Variants in KCNMA1 observed in about 807,000 individuals in gnomAD.
The protein encoded by KCNMA1 is potassium calcium-activated channel subfamily M alpha 1, also known as Calcium-activated potassium channel subunit alpha-1.
A neutral mutation model predicts 140.0 loss-of-function variants in KCNMA1; 29 were observed. The observed-to-expected ratio is 0.21, with a 90% CI of 0.15 to 0.28. KCNMA1 has a LOEUF of 0.28. Among genes scored for constraint, KCNMA1 ranks in the 10% least tolerant of loss-of-function variants. The pLI is 1.00. For missense variants in KCNMA1, 880 were observed against 1,602.2 expected, an observed-to-expected ratio of 0.55 and a Z score of 7.70; for synonymous variants, 612 against 611.9, an observed-to-expected ratio of 1.00 and a Z score of 0.00.
chr10:77,130,107 C>T (rs1253936003), intron 5 of KCNMA1, among the ~76,000 whole-genome samples: 1 of 152,128 alleles, frequency 6.6e-6, no homozygotes, highest in Non-Finnish European at 1.5e-5. Flanking sequence ...CAAAAACTGA[C>T]TCTCAAAGCA....
chr10:76,874,845 G>C (rs538183644), downstream of KCNMA1: 33 of 152,282 alleles, frequency 2.2e-4, no homozygotes, highest in African/African-American at 7.9e-4. Context: ...TTTTCTCAAG[G>C]AGAAAGGTTA....
At chr10:76,950,058 A>T (rs1591687113) in intron 21 of KCNMA1, among the ~76,000 whole-genome samples, 3 of 152,334 alleles carry the variant, frequency 2.0e-5, no homozygotes, top group Admixed American at 2.0e-4. Flanking sequence ...ATAAAGTTCA[A>T]ATTCCCATAA....
In KCNMA1 at chr10:77,169,570, T is replaced by A. The variant is rs181375543; in HGVS notation, c.808+13851A>T. 2.4e-3 allele frequency among the ~76,000 whole-genome samples: 359 copies of A among 152,008 alleles called. 1 individual carries two copies. Among genetic ancestry groups the A allele is most frequent in the Admixed American group, 4.8e-3 (74 of 15,268 alleles). On this transcript the variant is annotated intron_variant, in intron 5 of 27. Coordinates refer to ENST00000286628, the MANE Select transcript of KCNMA1 (RefSeq NM_001161352.2). ...ATGCCGGGCTAATTTTTTAAAAAAA[T>A]TTTTGTAGAGACAGGGTCTCACTGT...
chr10:76,923,158 AAAC>A (rs1590802444), intron 23 of KCNMA1, among the ~76,000 whole-genome samples: 2 of 152,198 alleles, frequency 1.3e-5, no homozygotes, highest in African/African-American at 4.8e-5. Flanking sequence ...CCAACCAAAC[AAAC>A]AAAACTTCTC....
intron 15 of KCNMA1, among the ~76,000 whole-genome samples, chr10:77,036,407 T>C (rs1352859787): frequency 6.6e-6 from 1 of 152,190 alleles, no homozygotes; most frequent in African/African-American, 2.4e-5. Flanking sequence ...ATGACTCCCC[T>C]AGCTTCTGAG....
downstream of KCNMA1, chr10:76,875,400 C>T (rs1212213983): frequency 1.2e-4 from 18 of 151,952 alleles, no homozygotes; most frequent in Admixed American, 1.2e-3. Flanking sequence ...GGAAACTATC[C>T]TAACTATTAT....
intron 1 of KCNMA1, among the ~76,000 whole-genome samples, chr10:77,515,614 T>C (rs920448207): frequency 6.6e-6 from 1 of 152,242 alleles, no homozygotes; most frequent in African/African-American, 2.4e-5. Flanking sequence ...CCCATCACTT[T>C]GAGGAGGGAA....
chr10:76,928,792 T>G (rs1234597837), intron 23 of KCNMA1, among the ~76,000 whole-genome samples: 1 of 152,104 alleles, frequency 6.6e-6, no homozygotes, highest in African/African-American at 2.4e-5. Context: ...GCCATCTACA[T>G]AAGAGTTGTT....
chr10:77,015,627 C>T (rs1297873380), intron 17 of KCNMA1, among the ~76,000 whole-genome samples: 1 of 152,114 alleles, frequency 6.6e-6, no homozygotes, highest in Non-Finnish European at 1.5e-5. Context: ...ATGTTTAGTA[C>T]ACATCTCCTA....
intron 1 of KCNMA1, among the ~76,000 whole-genome samples, chr10:77,492,914 G>C (rs1219852728): frequency 1.3e-5 from 2 of 152,194 alleles, no homozygotes; most frequent in East Asian, 1.9e-4. Flanking sequence ...CATATTTAAT[G>C]CTCATAATAC....
intron 5 of KCNMA1, among the ~76,000 whole-genome samples, chr10:77,139,027 A>G (rs1187540777): frequency 6.6e-6 from 1 of 152,140 alleles, no homozygotes; most frequent in African/African-American, 2.4e-5. Context: ...TATCTGCTCT[A>G]TTGGGGCAGG....
At chr10:77,580,436 T>C (rs2154562796) in intron 1 of KCNMA1, among the ~76,000 whole-genome samples, 1 of 151,766 alleles carries the variant, frequency 6.6e-6, no homozygotes, top group East Asian at 1.9e-4. Context: ...CTAAAATCTC[T>C]AGGGATGAAA....
chr10:77,550,486 A>G (rs1244049326), intron 1 of KCNMA1, among the ~76,000 whole-genome samples: 2 of 152,024 alleles, frequency 1.3e-5, no homozygotes, highest in East Asian at 3.9e-4. Context: ...TCCTGGATTA[A>G]CTTACTGTTG....
intron 14 of KCNMA1, among the ~76,000 whole-genome samples, chr10:77,054,077 T>C (rs1275582232): frequency 1.3e-5 from 2 of 152,120 alleles, no homozygotes; most frequent in African/African-American, 4.8e-5. Context: ...TTGGATAATA[T>C]AGTGGTCCAT....
rs1603456632 is a variant in KCNMA1, at chr10:77,388,672, T to G, written c.540+15190A>C. Reference sequence around the variant, plus strand: ...GGCAAAAGGATTGGGATTCAAAGTCTGACAAAATCTACAGCAGAAATAATT... The same window carrying G: ...GGCAAAAGGATTGGGATTCAAAGTCGGACAAAATCTACAGCAGAAATAATT... On this transcript the variant is annotated intron_variant, in intron 2 of 27. Coordinates refer to ENST00000286628, the MANE Select transcript of KCNMA1 (RefSeq NM_001161352.2). Among the ~76,000 whole-genome samples the G allele has an allele frequency of 2.0e-5, 3 of 152,336 alleles. No homozygotes were observed. The South Asian group carries it at 6.2e-4, about 32-fold the overall frequency.
chr10:77,320,655 G>T (rs574389932), intron 2 of KCNMA1, among the ~76,000 whole-genome samples: 8 of 152,210 alleles, frequency 5.3e-5, no homozygotes, highest in African/African-American at 1.9e-4. Flanking sequence ...CTTCCTCGTT[G>T]TTACCTGCCA....
chr10:76,929,305 C>T (rs1330863802), intron 23 of KCNMA1, among the ~76,000 whole-genome samples: 2 of 152,170 alleles, frequency 1.3e-5, no homozygotes, highest in African/African-American at 2.4e-5. Flanking sequence ...AGGCCCATGG[C>T]CTGATTGATT....
chr10:77,068,141 T>C (rs1312833673), intron 14 of KCNMA1, among the ~76,000 whole-genome samples: 1 of 152,200 alleles, frequency 6.6e-6, no homozygotes, highest in African/African-American at 2.4e-5. Flanking sequence ...TCTTAACCCA[T>C]AGTGCCTGCC....
At chr10:77,428,352 G>A (rs754206601) in intron 1 of KCNMA1, among the ~76,000 whole-genome samples, 1 of 152,132 alleles carries the variant, frequency 6.6e-6, no homozygotes, top group African/African-American at 2.4e-5. Flanking sequence ...TAAAAATAAC[G>A]AGGTCTCTGA....
Sources: allele counts gnomAD v4.1 joint callset (sites outside exome capture counted in the v4.1 genomes callset), GRCh38; gene constraint gnomAD v4.1.1; transcripts MANE v1.5; gene names NCBI Gene and HGNC (gene_info 2026-07-23, HGNC 2026-07-21).